DLG1: variants seen among roughly 807,000 people sequenced by gnomAD.
DLG1 encodes the protein disks large homolog 1.
Under a neutral mutation model 123.4 loss-of-function variants are expected in DLG1, and 42 were observed. The ratio of observed to expected loss-of-function variants is 0.34; its 90% CI spans 0.27 to 0.44. The LOEUF (loss-of-function observed/expected upper bound fraction) is 0.44. Among genes scored for constraint, DLG1 ranks in the 20% least tolerant of loss-of-function variants. The probability of loss-of-function intolerance (pLI) is 1.00; values close to 1 mark genes in which losing one functional copy is unlikely to be tolerated. For synonymous variants in DLG1, 317 were observed against 356.2 expected (o/e 0.89, Z 1.24); for missense variants, 942 against 1,082.6 (o/e 0.87, Z 1.82).
chr3:197,156,546 A>G (rs562982310), intron 5 of DLG1, among the ~76,000 whole-genome samples: 1 of 152,338 alleles, frequency 6.6e-6, no homozygotes, highest in Admixed American at 6.5e-5. Flanking sequence ...TCCAACCACA[A>G]GCTGTACACA....
chr3:197,250,366 G>C (rs942409172), intron 4 of DLG1, among the ~76,000 whole-genome samples: 1 of 151,996 alleles, frequency 6.6e-6, no homozygotes, highest in African/African-American at 2.4e-5. Flanking sequence ...TCAGGAGTTC[G>C]AGACCAGCCT....
In DLG1 at chr3:197,183,902, G is replaced by A; in HGVS notation, c.483+10523C>T. The A allele has an allele frequency of 2.0e-6, 3 of 1,472,068 alleles. No individual in the cohort carries two copies. In the South Asian group the frequency reaches 4.2e-5, roughly 21 times the overall value. The allele number at this position is 1,472,068 out of a possible 1,614,324, so 91.2% of individuals were successfully genotyped here. A position where few individuals can be genotyped will look rare whatever the true frequency, so the allele number is the denominator to read the frequency against. ...GGTAAAAACTGCAGCTACAATTACAGCAGCATCACTTGTAGATCAGTGAAA... is the reference window on the plus strand; with the variant it reads ...GGTAAAAACTGCAGCTACAATTACAACAGCATCACTTGTAGATCAGTGAAA... On this transcript the variant is annotated intron_variant, in intron 5 of 24. Transcript: ENST00000667157.
intron 4 of DLG1, among the ~76,000 whole-genome samples, chr3:197,212,775 A>G (rs1406091580): frequency 1.3e-5 from 2 of 152,220 alleles, no homozygotes; most frequent in African/African-American, 4.8e-5. Context: ...TAGGACTCCA[A>G]CATATCTTTT....
At chr3:197,242,793 T>A (rs440360) in intron 4 of DLG1, among the ~76,000 whole-genome samples, 1 of 152,000 alleles carries the variant, frequency 6.6e-6, no homozygotes, top group Non-Finnish European at 1.5e-5. Context: ...TTTATGGCAA[T>A]AAACACCTGC....
intron 4 of DLG1, among the ~76,000 whole-genome samples, chr3:197,261,055 A>G (rs1759203865): frequency 6.6e-6 from 1 of 152,188 alleles, no homozygotes; most frequent in Non-Finnish European, 1.5e-5. Flanking sequence ...CTGATCCCCC[A>G]CACACCAAAA....
intron 22 of DLG1, among the ~76,000 whole-genome samples, chr3:197,061,678 T>C (rs1425561971): frequency 6.6e-6 from 1 of 152,206 alleles, no homozygotes; most frequent in African/African-American, 2.4e-5. Context: ...GTTTGTGTGT[T>C]TACTCACTCT....
At chr3:197,087,209 CTCAT>C (rs893528109) in intron 15 of DLG1, among the ~76,000 whole-genome samples, 3 of 152,092 alleles carry the variant, frequency 2.0e-5, no homozygotes, top group African/African-American at 7.2e-5. Flanking sequence ...ATTTCTTTGA[CTCAT>C]TCTTTTTTGG....
chr3:197,101,221 C>A (rs1421469018), intron 14 of DLG1, among the ~76,000 whole-genome samples: 1 of 152,166 alleles, frequency 6.6e-6, no homozygotes. Flanking sequence ...GTGTAACTAG[C>A]AAATTACTTG....
intron 4 of DLG1, among the ~76,000 whole-genome samples, chr3:197,206,877 T>C (rs1399963701): frequency 6.6e-6 from 1 of 152,082 alleles, no homozygotes; most frequent in African/African-American, 2.4e-5. Context: ...CAATAAACAA[T>C]AAAAGATTTC....
Position 197,289,338 on chromosome 3 carries a change from G to GCGCACACA in DLG1, c.152-6494_152-6493insTGTGTGCG, listed in dbSNP as rs1553828683. ...GGTGGGGGGTGGCGTGTATACACGCGCATACACACACACACACACACACAC... is the reference window on the plus strand; with the variant it reads ...GGTGGGGGGTGGCGTGTATACACGCGCGCACACACATACACACACACACACACACACAC... On this transcript the variant is annotated intron_variant, in intron 3 of 24. Coordinates refer to ENST00000667157, the MANE Select transcript of DLG1 (RefSeq NM_001366207.1). 1.0e-4 allele frequency among the ~76,000 whole-genome samples: 7 copies of GCGCACACA among 69,978 alleles called. No individual in the cohort carries two copies. In the East Asian group the frequency reaches 4.1e-3, roughly 41 times the overall value. 45.9% of individuals were successfully genotyped at this position (69,978 alleles called of 152,430 possible).
At chr3:197,107,589 A>G (rs910336639) in intron 13 of DLG1, among the ~76,000 whole-genome samples, 3 of 151,766 alleles carry the variant, frequency 2.0e-5, no homozygotes, top group African/African-American at 7.3e-5. Context: ...AAAAGGATAT[A>G]CCACTTTTGT....
chr3:197,081,466 A>T (rs1372184171), intron 16 of DLG1, among the ~76,000 whole-genome samples: 1 of 152,248 alleles, frequency 6.6e-6, no homozygotes, highest in Non-Finnish European at 1.5e-5. Flanking sequence ...CATGAAGCAC[A>T]TATGCTAAAA....
chr3:197,130,639 A>G lies in DLG1; in HGVS notation c.1053T>C (p.His351=). The G allele has an allele frequency of 1.2e-6, 2 of 1,608,920 alleles. No individual in the cohort carries two copies. Among genetic ancestry groups the G allele is most frequent in the South Asian group, 1.1e-5 (1 of 90,424 alleles). ...VNNVCLEEVT[H]EEAVTALKNT... The stretch of plus-strand genomic sequence containing the variant: ...TCTTTAAGGCAGTTACTGCTTCTTC[A>G]TGAGTAACTTCTTCTAAACATACGT... Residue 351 remains histidine, a synonymous_variant, in exon 11 of 25, where the codon CAT becomes CAC. Transcript: ENST00000667157.
chr3:197,275,749 T>G (rs182990954), intron 4 of DLG1, among the ~76,000 whole-genome samples: 16 of 152,126 alleles, frequency 1.1e-4, no homozygotes, highest in Admixed American at 9.8e-4. Context: ...AAGGGTACAG[T>G]GAAGGAGGGG....
At chr3:197,184,060 T>C in intron 5 of DLG1, 1 of 1,259,458 alleles carries the variant, frequency 7.9e-7, no homozygotes. Flanking sequence ...CGACATAAGG[T>C]GGATTTCTTT....
At chr3:197,057,375 C>G (rs796140968) in intron 23 of DLG1, among the ~76,000 whole-genome samples, 46 of 152,340 alleles carry the variant, frequency 3.0e-4, no homozygotes, top group African/African-American at 9.9e-4. Flanking sequence ...AGCCGCCGCA[C>G]CTGACAGTCG....
At chr3:197,268,377 A>C (rs2151018832) in intron 4 of DLG1, among the ~76,000 whole-genome samples, 1 of 152,216 alleles carries the variant, frequency 6.6e-6, no homozygotes, top group East Asian at 1.9e-4. Flanking sequence ...CTAGATTAAC[A>C]GCTTTTTTTT....
rs992400745 is a variant in DLG1, at chr3:197,060,052, T to C, written c.2374-54A>G. 3.1e-6 allele frequency: 4 copies of C among 1,292,848 alleles called. No individual in the cohort carries two copies. In the African/African-American group the frequency reaches 4.4e-5, roughly 14 times the overall value. The allele number at this position is 1,292,848 out of a possible 1,614,324, so 80.1% of individuals were successfully genotyped here. A position where few individuals can be genotyped will look rare whatever the true frequency, so the allele number is the denominator to read the frequency against. ...CAAGTGAGCCAAATATTCTCAATAA[T>C]ATCAAAGGTACTTTTCCTACAGGTC... On this transcript the variant is annotated intron_variant, in intron 22 of 24. Coordinates refer to ENST00000667157, the MANE Select transcript of DLG1 (RefSeq NM_001366207.1).
intron 13 of DLG1, among the ~76,000 whole-genome samples, chr3:197,106,791 C>G (rs992427285): frequency 5.9e-5 from 9 of 152,078 alleles, no homozygotes; most frequent in Non-Finnish European, 1.0e-4. Context: ...GAAGAAATTC[C>G]AGTACTGAGA....
Sources: allele counts gnomAD v4.1 joint callset (sites outside exome capture counted in the v4.1 genomes callset), GRCh38; gene constraint gnomAD v4.1.1; transcripts MANE v1.5; gene names NCBI Gene and HGNC (gene_info 2026-07-23, HGNC 2026-07-21).